Variants in SYTL2 observed in about 807,000 individuals in gnomAD.
The protein encoded by SYTL2 is synaptotagmin-like protein 2.
A neutral mutation model predicts 198.7 loss-of-function variants in SYTL2; 165 were observed. That is an observed-to-expected ratio of 0.83 (90% CI 0.73 to 0.94). SYTL2 has a LOEUF of 0.94. Ranked by LOEUF, SYTL2 falls within the 40% of genes least tolerant of loss-of-function variation. The probability of loss-of-function intolerance (pLI) is 0.00; values close to 1 mark genes in which losing one functional copy is unlikely to be tolerated. For synonymous variants in SYTL2, 966 were observed against 917.7 expected (o/e 1.05, Z -0.95); for missense variants, 2,835 against 2,582.8 (o/e 1.10, Z -2.12).
chr11:85,706,170 A>G (rs1228698896), intron 15 of SYTL2, among the ~76,000 whole-genome samples: 1 of 152,254 alleles, frequency 6.6e-6, no homozygotes, highest in East Asian at 1.9e-4. Context: ...ATCAAGATTT[A>G]TTAAATGCTT....
chr11:85,761,340 C>T (rs575499686), intron 1 of SYTL2, among the ~76,000 whole-genome samples: 61 of 152,088 alleles, frequency 4.0e-4, no homozygotes, highest in African/African-American at 1.5e-3. Flanking sequence ...TGAACAAAAA[C>T]GTGACAGCGA....
intron 17 of SYTL2, 42 bp from the exon 18 acceptor site, chr11:85,698,120 CCCTTGG>C: frequency 7.3e-7 from 1 of 1,372,858 alleles, no homozygotes; most frequent in Non-Finnish European, 1.0e-6. Context: ...TGCCAGTTCT[CCCTTGG>C]CAATACTGCG....
chr11:85,733,125 T>C (rs2089977241), intron 7 of SYTL2, among the ~76,000 whole-genome samples: 1 of 152,154 alleles, frequency 6.6e-6, no homozygotes, highest in Admixed American at 6.5e-5. Flanking sequence ...CAGGCCAAAG[T>C]CTGAGGCTTT....
the SYTL2 span, among the ~76,000 whole-genome samples, chr11:85,839,080 G>A: frequency 2.0e-5 from 3 of 152,138 alleles, no homozygotes; most frequent in African/African-American, 7.2e-5. Flanking sequence ...AAGTTTATTA[G>A]TTTCAGAGAA....
At chr11:85,775,458 A>G (rs1275348804) in intron 1 of SYTL2, among the ~76,000 whole-genome samples, 1 of 152,144 alleles carries the variant, frequency 6.6e-6, no homozygotes, top group Non-Finnish European at 1.5e-5. Context: ...GCGGATAGGA[A>G]TAAGTATCTT....
intron 4 of SYTL2, among the ~76,000 whole-genome samples, chr11:85,743,726 A>C (rs2090960540): frequency 1.3e-5 from 2 of 152,170 alleles, no homozygotes; most frequent in Non-Finnish European, 2.9e-5. Context: ...CATGAAGAAA[A>C]AGTTAGGCTA....
chr11:85,728,038 C>T, intron 7 of SYTL2, 71 bp from the exon 8 acceptor site: 1 of 1,359,646 alleles, frequency 7.4e-7, no homozygotes, highest in Non-Finnish European at 9.9e-7. Context: ...TTCACATCAT[C>T]ATCTTTATAA....
At chr11:85,815,931 G>A (rs1433974008), upstream of SYTL2, among the ~76,000 whole-genome samples, 2 of 152,132 alleles carry the variant, frequency 1.3e-5, no homozygotes, top group African/African-American at 4.8e-5. Context: ...TGGGAAGCCA[G>A]GGCTGGTGGA....
At chr11:85,815,506 C>G (rs1295845494), upstream of SYTL2, among the ~76,000 whole-genome samples, 1 of 152,200 alleles carries the variant, frequency 6.6e-6, no homozygotes, top group Non-Finnish European at 1.5e-5. Context: ...ATTGTGTTAG[C>G]AATCTCTCCA....
chr11:85,746,360 G>C (rs1186324876), intron 3 of SYTL2, among the ~76,000 whole-genome samples: 4 of 152,146 alleles, frequency 2.6e-5, no homozygotes, highest in Non-Finnish European at 5.9e-5. Context: ...TCCTGCTTCA[G>C]AAAATAACCT....
At chr11:85,756,930 C>T (rs1248749664) in intron 2 of SYTL2, among the ~76,000 whole-genome samples, 1 of 152,172 alleles carries the variant, frequency 6.6e-6, no homozygotes, top group East Asian at 1.9e-4. Flanking sequence ...CTGTCGCTGC[C>T]TTCAAAGCCC....
At position 85,758,108 on chromosome 11, in the gene SYTL2, C is replaced by G. The variant is rs1308714582; in HGVS notation, c.-383G>C. On this transcript the variant is annotated 5_prime_UTR_variant, in exon 2 of 20. Transcript: ENST00000359152. ...ATAAGAGGCAGCAGCATCAGAGCAT[C>G]ACCTACCTGGGGAATCATGAGACAG... is the stretch of plus-strand genomic sequence containing the variant. The G allele has an allele frequency of 5.7e-6, 1 of 175,334 alleles. No homozygotes were observed. The highest frequency in any genetic ancestry group is 1.2e-5 in the Non-Finnish European group (1 of 80,982). 10.9% of individuals were successfully genotyped at this position (175,334 alleles called of 1,614,324 possible). A position where few individuals can be genotyped will look rare whatever the true frequency, so the allele number is the denominator to read the frequency against.
intron 2 of SYTL2, among the ~76,000 whole-genome samples, chr11:85,755,675 C>T (rs958956490): frequency 6.6e-6 from 1 of 152,158 alleles, no homozygotes; most frequent in Non-Finnish European, 1.5e-5. Context: ...TCAACCAATG[C>T]AAGTGCCCAA....
intron 12 of SYTL2, among the ~76,000 whole-genome samples, chr11:85,713,606 C>T (rs2086679521): frequency 6.6e-6 from 1 of 152,214 alleles, no homozygotes; most frequent in Non-Finnish European, 1.5e-5. Context: ...TAGATCTACT[C>T]TTCAGTAGCT....
chr11:85,725,474 G>A lies in SYTL2; in HGVS notation c.3884C>T (p.Thr1295Ile), dbSNP rs1448638226. 3 of 1,614,048 alleles carry A rather than the reference G, an allele frequency of 1.9e-6. No individual in the cohort carries two copies. The highest frequency in any genetic ancestry group is 2.5e-6 in the Non-Finnish European group (3 of 1,179,964). Residue 1295 changes from threonine (T) to isoleucine (I), a missense_variant, in exon 8 of 20, where the codon ACA (threonine) becomes ATA (isoleucine). Physicochemically the swap from Thr to Ile is moderately conservative, Grantham distance 89. This residue lies in a region of SYTL2 where 2,645 missense variants were observed against 2,381.7 expected (regional missense o/e 1.11). Coordinates refer to ENST00000359152, the MANE Select transcript of SYTL2 (RefSeq NM_206927.4). ...TGCAGCCATCTGAATCAAATTCTGT[G>A]TGCTTAGCTGGCACTCACCACTTTC... ...KAESGECQLS[T>I]QNLIQMAAED... is the part of the protein sequence containing the mutation.
At chr11:85,791,712 CCT>C (rs1268959025) in intron 1 of SYTL2, among the ~76,000 whole-genome samples, 1 of 152,046 alleles carries the variant, frequency 6.6e-6, no homozygotes, top group Non-Finnish European at 1.5e-5. Context: ...CTTTTGACTC[CCT>C]CTCTTCTAAC....
At chr11:85,704,831 TAAAC>T in intron 16 of SYTL2, 23 bp downstream of exon 16, 2 of 1,605,880 alleles carry the variant, frequency 1.2e-6, no homozygotes, top group Admixed American at 1.7e-5. Flanking sequence ...ACCAACCAAA[TAAAC>T]AAACAAAAAA....
intron 17 of SYTL2, among the ~76,000 whole-genome samples, chr11:85,699,853 A>G (rs1229497980): frequency 6.6e-6 from 1 of 152,208 alleles, no homozygotes; most frequent in African/African-American, 2.4e-5. Context: ...GAGGCAATTA[A>G]TAATCTTGAG....
At position 85,727,731 on chromosome 11, in the gene SYTL2, G is replaced by A. The variant is rs751943941; in HGVS notation, c.1627C>T (p.Arg543Ter). The A allele has an allele frequency of 8.0e-5, 124 of 1,551,618 alleles. No homozygotes were observed. Among genetic ancestry groups the A allele is most frequent in the Non-Finnish European group, 9.2e-5 (106 of 1,147,676 alleles). ...GTTTTTTCTTTGGACTCTATTCCTC[G>A]GGGATGTTGGAGGAATGACTTATTG... ...DDNKSFLQHP[R>*]GIESKEKTDS... The change falls in exon 8 of 20, where the codon CGA becomes TGA. Residue 543 changes from arginine (R) to a stop codon, truncating the protein, a stop_gained. Transcript: ENST00000359152. LOFTEE classifies it high-confidence loss of function.
Sources: allele counts gnomAD v4.1 joint callset (sites outside exome capture counted in the v4.1 genomes callset), GRCh38; gene constraint gnomAD v4.1.1; regional missense constraint gnomAD v4.1.1; transcripts MANE v1.5; gene names NCBI Gene and HGNC (gene_info 2026-07-23, HGNC 2026-07-21).